The following SLF1 variants were observed in gnomAD, a reference collection of about 807,000 sequenced individuals.
SLF1 encodes the protein SMC5-SMC6 complex localization factor protein 1.
Under a neutral mutation model 123.0 loss-of-function variants are expected in SLF1, and 105 were observed. The ratio of observed to expected loss-of-function variants is 0.85; its 90% CI spans 0.73 to 1.00. SLF1 has a LOEUF of 1.00. Among genes scored for constraint, SLF1 ranks in the 50% least tolerant of loss-of-function variants. The pLI, the probability that SLF1 is intolerant of heterozygous loss-of-function variation, is 0.00. For synonymous variants in SLF1, 434 were observed against 406.6 expected (o/e 1.07, Z -0.81); for missense variants, 1,239 against 1,223.0 (o/e 1.01, Z -0.20).
chr5:94,658,428 TTTGTTGTTG>T (rs35496935), intron 9 of SLF1, among the ~76,000 whole-genome samples: 30 of 150,614 alleles, frequency 2.0e-4, no homozygotes, highest in South Asian at 6.3e-4. Flanking sequence ...TTGAGTTGGG[TTTGTTGTTG>T]TTGTTGTTGT....
intron 7 of SLF1, among the ~76,000 whole-genome samples, chr5:94,652,319 T>C (rs1391610633): frequency 6.6e-6 from 1 of 152,144 alleles, no homozygotes; most frequent in African/African-American, 2.4e-5. Flanking sequence ...TGCTATATCA[T>C]TTTCTAATGC....
At chr5:94,624,302 G>T (rs1792042798) in intron 1 of SLF1, among the ~76,000 whole-genome samples, 1 of 152,020 alleles carries the variant, frequency 6.6e-6, no homozygotes, top group African/African-American at 2.4e-5. Context: ...TGCTTTAAAA[G>T]GCTTTCCTGA....
At chr5:94,666,559 CCTT>C (rs1446201316) in intron 12 of SLF1, among the ~76,000 whole-genome samples, 1 of 152,148 alleles carries the variant, frequency 6.6e-6, no homozygotes, top group Non-Finnish European at 1.5e-5. Context: ...TTCTGTTTCA[CCTT>C]CTTTCTCCCT....
At chr5:94,625,398 T>G (rs183212005) in intron 1 of SLF1, among the ~76,000 whole-genome samples, 72 of 152,080 alleles carry the variant, frequency 4.7e-4, no homozygotes, top group African/African-American at 1.6e-3. Context: ...TTTATTTATT[T>G]TTTGAGACAG....
At chr5:94,630,375 A>T in intron 3 of SLF1, 128 bp from the exon 4 acceptor site, 3 of 1,130,818 alleles carry the variant, frequency 2.7e-6, no homozygotes, top group Non-Finnish European at 3.6e-6. Context: ...CATAGTTCAA[A>T]GATAATGTTA....
intron 14 of SLF1, among the ~76,000 whole-genome samples, chr5:94,671,769 C>T (rs986202896): frequency 3.3e-5 from 5 of 150,484 alleles, no homozygotes; most frequent in Non-Finnish European, 7.4e-5. Context: ...ACATTCATTT[C>T]GTAGTTTGGT....
intron 9 of SLF1, among the ~76,000 whole-genome samples, chr5:94,658,162 GT>G (rs202152246): frequency 8.7e-4 from 110 of 126,572 alleles, no homozygotes; most frequent in Middle Eastern, 3.9e-3. Context: ...GGTGTTTTTT[GT>G]TTTTTTTTTT....
chr5:94,665,821 G>A (rs1007774517), intron 11 of SLF1, 40 bp from the exon 12 acceptor site: 2 of 1,485,490 alleles, frequency 1.3e-6, no homozygotes, highest in East Asian at 4.9e-5. Context: ...ACTACTTTTA[G>A]CTATAGTGTT....
chr5:94,657,803 T>C (rs776831448), intron 9 of SLF1, among the ~76,000 whole-genome samples: 18 of 152,120 alleles, frequency 1.2e-4, no homozygotes, highest in Non-Finnish European at 1.9e-4. Context: ...GTAATGACCT[T>C]CTTTATCTCT....
upstream of SLF1, chr5:94,618,445 G>GC (rs1680424355): frequency 6.6e-6 from 1 of 152,526 alleles, no homozygotes; most frequent in African/African-American, 2.4e-5. Flanking sequence ...GCTGCACAGA[G>GC]CCCCGGCCAG....
rs565925365 is a variant in SLF1, at chr5:94,648,718, G to T, written c.595-736G>T. Among the ~76,000 whole-genome samples, 16 of 152,304 alleles carry T rather than the reference G, an allele frequency of 1.1e-4. No homozygotes were observed. In the South Asian group the frequency reaches 2.7e-3, roughly 26 times the overall value. ...GATGGTCTTGATCTTCTGACCTCGT[G>T]ATCCACCCGCCTTGGCTTCCCAAAG... On this transcript the variant is annotated intron_variant, in intron 5 of 20. Coordinates refer to ENST00000265140, the MANE Select transcript of SLF1 (RefSeq NM_032290.4).
Position 94,670,336 on chromosome 5 carries a change from A to AT in SLF1, c.1661+67dup, listed in dbSNP as rs940665456. 3,888 of 1,056,274 alleles carry AT rather than the reference A, an allele frequency of 3.7e-3. 1 individual carries two copies. Among genetic ancestry groups the AT allele is most frequent in the South Asian group, 4.0e-3 (182 of 45,784 alleles). The allele number at this position is 1,056,274 out of a possible 1,614,324, so 65.4% of individuals were successfully genotyped here. A position where few individuals can be genotyped will look rare whatever the true frequency, so the allele number is the denominator to read the frequency against. On this transcript the variant is annotated intron_variant, in intron 13 of 20. Transcript: ENST00000265140. ...TAAATTTTGGTTGTTTTTATGCACC[A>AT]TTTTTTTTTTACAATTATTATAAAT...
chr5:94,644,343 C>T (rs1286582060), intron 5 of SLF1, among the ~76,000 whole-genome samples: 4 of 152,092 alleles, frequency 2.6e-5, no homozygotes, highest in Admixed American at 2.6e-4. Context: ...TCAAAATGCT[C>T]TTTCTAAAAC....
intron 9 of SLF1, among the ~76,000 whole-genome samples, chr5:94,656,207 T>C (rs1207359742): frequency 1.3e-5 from 2 of 152,044 alleles, no homozygotes. Flanking sequence ...AATGATCATA[T>C]AGTTTTTGTC....
At chr5:94,669,245 T>C (rs17329655) in intron 12 of SLF1, among the ~76,000 whole-genome samples, 3,662 of 152,252 alleles carry the variant, frequency 0.024, 71 homozygotes, top group Non-Finnish European at 0.033. Context: ...TGATTAACTA[T>C]GTGGGCATGA....
In SLF1 at chr5:94,686,483, G is replaced by T. The variant is rs914979475; in HGVS notation, c.1976-90G>T. The stretch of plus-strand genomic sequence containing the variant: ...CTTATAGGTGTAAGAGCTCTCATTT[G>T]ACAGAATAAACTTCACTAAGGAAAT... On this transcript the variant is annotated intron_variant, in intron 15 of 20. Transcript: ENST00000265140. 5.0e-6 allele frequency: 7 copies of T among 1,393,172 alleles called. No individual in the cohort carries two copies. In the African/African-American group the frequency reaches 7.2e-5, roughly 14 times the overall value. The allele number at this position is 1,393,172 out of a possible 1,614,324, so 86.3% of individuals were successfully genotyped here.
chr5:94,630,535 C>A lies in SLF1; in HGVS notation c.223C>A (p.His75Asn), dbSNP rs950188532. The change falls in exon 4 of 21, where the codon CAT (histidine) becomes AAT (asparagine). Residue 75 changes from histidine (H) to asparagine (N), a missense_variant. Transcript: ENST00000265140. ...GATACTAACCAAGGACTATATAATTCATAGTGCCAAAAGTGGCAGATGGCT... is the reference window on the plus strand; with the variant it reads ...GATACTAACCAAGGACTATATAATTAATAGTGCCAAAAGTGGCAGATGGCT... ...KWILTKDYII[H>N]SAKSGRWLDE... 6 of 1,551,460 alleles carry A rather than the reference C, an allele frequency of 3.9e-6. No individual in the cohort carries two copies. The highest frequency in any genetic ancestry group is 3.5e-6 in the Non-Finnish European group (4 of 1,146,826).
intron 11 of SLF1, among the ~76,000 whole-genome samples, chr5:94,665,219 C>T (rs1749601135): frequency 6.6e-6 from 1 of 151,166 alleles, no homozygotes; most frequent in South Asian, 2.1e-4. Flanking sequence ...AGGCCGAGGC[C>T]TCCCAAATAC....
chr5:94,693,906 C>T (rs968838787), intron 20 of SLF1, among the ~76,000 whole-genome samples: 14 of 151,518 alleles, frequency 9.2e-5, no homozygotes, highest in African/African-American at 3.4e-4. Context: ...ATATTAAGTA[C>T]ATTTTATATC....
Sources: gnomAD v4.1 joint callset for allele counts (sites outside exome capture counted in the v4.1 genomes callset) on GRCh38, gnomAD v4.1.1 for gene constraint, MANE v1.5 for transcripts, NCBI Gene and HGNC (gene_info 2026-07-23, HGNC 2026-07-21) for gene names.